Variants in CDH12 observed in about 807,000 individuals in gnomAD.
The protein encoded by CDH12 is cadherin-12.
CDH12 carries 41 observed loss-of-function variants against 74.1 expected under a neutral mutation model. The observed-to-expected ratio is 0.55, with a 90% CI of 0.43 to 0.72. The LOEUF (loss-of-function observed/expected upper bound fraction) is 0.72. Among genes scored for constraint, CDH12 ranks in the 30% least tolerant of loss-of-function variants. The pLI is 0.00. For synonymous variants in CDH12, 399 were observed against 355.0 expected (o/e 1.12, Z -1.39); for missense variants, 945 against 977.2 (o/e 0.97, Z 0.44).
At chr5:21,850,833 G>T (rs1031945986) in intron 7 of CDH12, among the ~76,000 whole-genome samples, 1 of 150,696 alleles carries the variant, frequency 6.6e-6, no homozygotes, top group Non-Finnish European at 1.5e-5. Context: ...TCACTCAATT[G>T]TTTTTTTTAA....
At chr5:21,874,686 C>T (rs1165180707) in intron 6 of CDH12, among the ~76,000 whole-genome samples, 1 of 152,126 alleles carries the variant, frequency 6.6e-6, no homozygotes, top group Non-Finnish European at 1.5e-5. Flanking sequence ...GCTTTGCTCG[C>T]CATCCACCAC....
intron 6 of CDH12, among the ~76,000 whole-genome samples, chr5:21,879,689 CA>C (rs1406018473): frequency 6.6e-6 from 1 of 151,684 alleles, no homozygotes; most frequent in African/African-American, 2.4e-5. Flanking sequence ...AGTTGTAAGC[CA>C]GGGGTAAAAT....
At chr5:22,076,976 C>A (rs1742365533) in intron 5 of CDH12, among the ~76,000 whole-genome samples, 2 of 151,970 alleles carry the variant, frequency 1.3e-5, no homozygotes, top group Admixed American at 6.6e-5. Context: ...TGGCCCCGTG[C>A]CACTTGAACA....
intron 10 of CDH12, among the ~76,000 whole-genome samples, chr5:21,794,840 A>G (rs1746693086): frequency 6.6e-6 from 1 of 151,240 alleles, no homozygotes; most frequent in African/African-American, 2.4e-5. Context: ...GTGAACTTTA[A>G]AATGTTTTTT....
rs538191947 is a variant in CDH12 at position 22,823,198 on chromosome 5, AC to A, written c.-523+29859del. Among the ~76,000 whole-genome samples, 559 of 137,490 alleles carry A rather than the reference AC, an allele frequency of 4.1e-3. 5 individuals are homozygous for A. The highest frequency in any genetic ancestry group is 0.014 in the African/African-American group (520 of 37,670). 90.2% of individuals were successfully genotyped at this position (137,490 alleles called of 152,430 possible). ...AATTGAACAATGAGAACACTTGGAC[AC>A]AGGAAGGGGAACATCACACTCCGGG... On this transcript the variant is annotated intron_variant, in intron 1 of 14. Coordinates refer to ENST00000382254, the MANE Select transcript of CDH12 (RefSeq NM_004061.5).
chr5:22,835,228 C>G (rs1736772339), intron 1 of CDH12, among the ~76,000 whole-genome samples: 1 of 151,930 alleles, frequency 6.6e-6, no homozygotes, highest in Non-Finnish European at 1.5e-5. Context: ...TATAACATTT[C>G]TGCTTTTTTA....
chr5:22,219,570 G>A (rs1317363527), intron 3 of CDH12, among the ~76,000 whole-genome samples: 1 of 151,724 alleles, frequency 6.6e-6, no homozygotes, highest in Admixed American at 6.6e-5. Flanking sequence ...ACTCTCTGCA[G>A]TAATACAGAG....
intron 6 of CDH12, among the ~76,000 whole-genome samples, chr5:21,880,505 C>CCTTCCTTCCTTCCTT (rs1304688195): frequency 0.016 from 99 of 6,144 alleles, 3 homozygotes; most frequent in African/African-American, 0.024. Context: ...CTTCCTTCCT[C>CCTTCCTTCCTTCCTT]CCTCCCTCCC....
intron 4 of CDH12, among the ~76,000 whole-genome samples, chr5:22,135,996 C>T (rs1197066903): frequency 6.6e-6 from 1 of 151,880 alleles, no homozygotes; most frequent in Non-Finnish European, 1.5e-5. Context: ...CTATTATGGT[C>T]CAGTTCTTTT....
At chr5:21,849,122 A>T (rs1750332038) in intron 7 of CDH12, among the ~76,000 whole-genome samples, 1 of 151,842 alleles carries the variant, frequency 6.6e-6, no homozygotes, top group African/African-American at 2.4e-5. Context: ...CTACATATGT[A>T]TATATATGAA....
At chr5:22,608,229 C>T (rs753063685) in intron 1 of CDH12, among the ~76,000 whole-genome samples, 18 of 152,210 alleles carry the variant, frequency 1.2e-4, no homozygotes, top group Admixed American at 1.2e-3. Flanking sequence ...GTTGGAGCTG[C>T]CCAAGGCTGT....
chr5:22,430,031 C>G (rs1057024395), intron 2 of CDH12, among the ~76,000 whole-genome samples: 2 of 152,142 alleles, frequency 1.3e-5, no homozygotes, highest in African/African-American at 4.8e-5. Context: ...ATGGTAACTA[C>G]CATTTGCATG....
At chr5:22,103,643 G>A (rs1029949937) in intron 4 of CDH12, among the ~76,000 whole-genome samples, 6 of 152,148 alleles carry the variant, frequency 3.9e-5, no homozygotes, top group Non-Finnish European at 7.3e-5. Context: ...TTGCTTTACT[G>A]ATTAATACAG....
intron 5 of CDH12, among the ~76,000 whole-genome samples, chr5:22,077,994 C>A (rs72740002): frequency 1.3e-5 from 2 of 152,068 alleles, no homozygotes; most frequent in African/African-American, 4.8e-5. Context: ...GAAATACATT[C>A]TTGTCATTAA....
At chr5:22,587,988 ATATG>A (rs1280047597) in intron 1 of CDH12, among the ~76,000 whole-genome samples, 4 of 148,850 alleles carry the variant, frequency 2.7e-5, no homozygotes, top group East Asian at 3.9e-4. Flanking sequence ...CCATACATAT[ATATG>A]TGTGTCTATA....
chr5:21,922,938 G>GTATCTGTATCTA (rs1554044542), intron 6 of CDH12, among the ~76,000 whole-genome samples: 2 of 145,864 alleles, frequency 1.4e-5, no homozygotes, highest in Non-Finnish European at 3.0e-5. Context: ...GTGTGTATGT[G>GTATCTGTATCTA]TATCTATATC....
At chr5:22,153,027 T>A (rs1747703348) in intron 4 of CDH12, among the ~76,000 whole-genome samples, 1 of 152,148 alleles carries the variant, frequency 6.6e-6, no homozygotes, top group Non-Finnish European at 1.5e-5. Context: ...ATGCTTCAGT[T>A]GTTTCTGTAC....
At chr5:22,652,316 T>C (rs1418625886) in intron 1 of CDH12, among the ~76,000 whole-genome samples, 1 of 152,072 alleles carries the variant, frequency 6.6e-6, no homozygotes, top group Non-Finnish European at 1.5e-5. Context: ...AGAGTTAAAA[T>C]TACATGTGAT....
chr5:22,511,708 C>T (rs147898617), intron 1 of CDH12, among the ~76,000 whole-genome samples: 5 of 152,282 alleles, frequency 3.3e-5, no homozygotes, highest in African/African-American at 1.2e-4. Context: ...TGCAGGTAAC[C>T]TGGACCGCAG....
Sources: gnomAD v4.1 joint callset for allele counts (sites outside exome capture counted in the v4.1 genomes callset) on GRCh38, gnomAD v4.1.1 for gene constraint, MANE v1.5 for transcripts, NCBI Gene and HGNC (gene_info 2026-07-23, HGNC 2026-07-21) for gene names.